AFF2: variants seen among roughly 807,000 people sequenced by gnomAD.
AFF2 encodes ALF transcription elongation factor 2, also known as AF4/FMR2 family member 2.
Under a neutral mutation model 76.9 loss-of-function variants are expected in AFF2, and 14 were observed. The observed-to-expected ratio is 0.18, with a 90% CI of 0.12 to 0.28. AFF2 has a LOEUF of 0.28. Ranked by LOEUF, AFF2 falls within the 10% of genes least tolerant of loss-of-function variation. The probability of loss-of-function intolerance (pLI) is 1.00; values close to 1 mark genes in which losing one functional copy is unlikely to be tolerated. For missense variants in AFF2, 868 were observed against 1,001.1 expected (o/e 0.87, Z 1.79); for synonymous variants, 398 against 366.7 (o/e 1.09, Z -0.98).
intron 9 of AFF2, among the ~76,000 whole-genome samples, chrX:148,946,308 A>G (rs782054886): frequency 3.6e-5 from 4 of 112,453 alleles, no homozygotes; most frequent in South Asian, 7.4e-4. Context: ...TTAGCCATCA[A>G]GGTTCCCTTC....
In AFF2 at chrX:148,873,959, G is replaced by A. The variant is rs2071007239; in HGVS notation, c.1263-11930G>A. Among the ~76,000 whole-genome samples, 4 of 111,496 alleles carry A rather than the reference G, an allele frequency of 3.6e-5. No individual in the cohort carries two copies. The Admixed American group carries it at 3.8e-4, about 11-fold the overall frequency. Reference sequence around the variant, plus strand: ...AAATACTAAGTCTTGGCCAGTATTGGGGTCTGCTATTCTCCACGTATCTAT... The same window carrying A: ...AAATACTAAGTCTTGGCCAGTATTGAGGTCTGCTATTCTCCACGTATCTAT... On this transcript the variant is annotated intron_variant, in intron 7 of 20. Transcript: ENST00000370460.
chrX:148,939,768 C>A lies in AFF2; in HGVS notation c.1398-13812C>A, dbSNP rs559358013. 9.8e-5 allele frequency among the ~76,000 whole-genome samples: 11 copies of A among 112,047 alleles called. No individual in the cohort carries two copies. In the South Asian group the frequency reaches 4.1e-3, roughly 42 times the overall value. ...TGGTATTAGCCATCTTGGATTTTAACCAACAGGTGTACACACTCTCACATA... is the reference window on the plus strand; with the variant it reads ...TGGTATTAGCCATCTTGGATTTTAAACAACAGGTGTACACACTCTCACATA... On this transcript the variant is annotated intron_variant, in intron 9 of 20. Coordinates refer to ENST00000370460, the MANE Select transcript of AFF2 (RefSeq NM_002025.4).
At chrX:148,939,022 C>CA (rs1344371791) in intron 9 of AFF2, among the ~76,000 whole-genome samples, 13 of 110,797 alleles carry the variant, frequency 1.2e-4, no homozygotes, top group African/African-American at 6.6e-5. Context: ...TAAAACTGTA[C>CA]AGCATTATGT....
In AFF2 at chrX:148,752,417, G is replaced by T. The variant is rs184015079; in HGVS notation, c.1042-57459G>T. Among the ~76,000 whole-genome samples the T allele has an allele frequency of 5.4e-5, 6 of 112,017 alleles. No individual in the cohort carries two copies. The Admixed American group carries it at 5.7e-4, about 11-fold the overall frequency. The stretch of plus-strand genomic sequence containing the variant: ...AAGGAAGGAAGACAAGGGAGGAGAA[G>T]TGGGCAATTTAGTCAAACCACTGGG... On this transcript the variant is annotated intron_variant, in intron 3 of 20. Coordinates refer to ENST00000370460, the MANE Select transcript of AFF2 (RefSeq NM_002025.4).
intron 7 of AFF2, among the ~76,000 whole-genome samples, chrX:148,876,712 G>A (rs1557277942): frequency 2.7e-5 from 3 of 111,421 alleles, no homozygotes; most frequent in African/African-American, 9.8e-5. Context: ...ATGTCTGGTG[G>A]TGTAGGGGAG....
intron 3 of AFF2, among the ~76,000 whole-genome samples, chrX:148,696,761 T>C (rs930175866): frequency 8.9e-6 from 1 of 112,076 alleles, no homozygotes; most frequent in Non-Finnish European, 1.9e-5. Context: ...CCAAATACAG[T>C]AGAAACTCCC....
intron 8 of AFF2, among the ~76,000 whole-genome samples, chrX:148,900,923 A>G (rs1462494590): frequency 1.8e-5 from 2 of 111,785 alleles, no homozygotes; most frequent in African/African-American, 3.3e-5. Context: ...TCATACCACA[A>G]TGTGGCCTCT....
At chrX:148,921,254 G>A (rs1557283171) in intron 9 of AFF2, among the ~76,000 whole-genome samples, 1 of 112,102 alleles carries the variant, frequency 8.9e-6, no homozygotes, top group African/African-American at 3.2e-5. Context: ...AATTTTAACA[G>A]CTTTATTGAG....
intron 1 of AFF2, among the ~76,000 whole-genome samples, chrX:148,593,734 C>T (rs1417510022): frequency 1.8e-5 from 2 of 112,321 alleles, no homozygotes; most frequent in African/African-American, 6.5e-5. Context: ...TTTGTACCAG[C>T]TATTGTGCTG....
At chrX:148,919,059 A>C (rs1392056617) in intron 9 of AFF2, among the ~76,000 whole-genome samples, 2 of 112,093 alleles carry the variant, frequency 1.8e-5, no homozygotes, top group Non-Finnish European at 3.8e-5. Context: ...ACATTAATGT[A>C]GAAAGCCAAA....
At chrX:148,670,806 T>C (rs1057460947) in intron 3 of AFF2, among the ~76,000 whole-genome samples, 4 of 112,070 alleles carry the variant, frequency 3.6e-5, no homozygotes, top group Non-Finnish European at 7.5e-5. Context: ...CAAGGATTTT[T>C]CTAAAGTAAT....
chrX:148,521,094 T>G (rs1162779045), intron 1 of AFF2, among the ~76,000 whole-genome samples: 1 of 111,362 alleles, frequency 9.0e-6, no homozygotes, highest in Non-Finnish European at 1.9e-5. Context: ...GAAGCTACCT[T>G]AAGTCTACTT....
intron 1 of AFF2, among the ~76,000 whole-genome samples, chrX:148,560,468 C>A (rs1002332471): frequency 3.6e-5 from 4 of 112,145 alleles, no homozygotes; most frequent in Non-Finnish European, 5.6e-5. Context: ...AGGACATAGA[C>A]ATGGGCAAAG....
At chrX:148,793,095 C>T (rs1259577428) in intron 3 of AFF2, among the ~76,000 whole-genome samples, 5 of 111,835 alleles carry the variant, frequency 4.5e-5, no homozygotes, top group Non-Finnish European at 9.4e-5. Context: ...TTCTCATCTC[C>T]TTGTTTTGAA....
intron 3 of AFF2, among the ~76,000 whole-genome samples, chrX:148,806,207 G>GAGAGAA (rs782319416): frequency 8.9e-6 from 1 of 112,428 alleles, no homozygotes; most frequent in Non-Finnish European, 1.9e-5. Flanking sequence ...GTGTGTGTGA[G>GAGAGAA]AGAGAAAGAG....
intron 3 of AFF2, among the ~76,000 whole-genome samples, chrX:148,725,642 C>G (rs2055147023): frequency 8.9e-6 from 1 of 111,957 alleles, no homozygotes; most frequent in African/African-American, 3.2e-5. Context: ...TTTTCCTGTT[C>G]TCTTACTCAA....
intron 9 of AFF2, among the ~76,000 whole-genome samples, chrX:148,920,540 A>G (rs938740077): frequency 9.0e-6 from 1 of 111,460 alleles, no homozygotes; most frequent in Admixed American, 9.6e-5. Flanking sequence ...AGTATTGTCC[A>G]TGAATGGTGT....
At chrX:148,685,096 A>T (rs1458773166) in intron 3 of AFF2, among the ~76,000 whole-genome samples, 6 of 111,854 alleles carry the variant, frequency 5.4e-5, no homozygotes, top group Non-Finnish European at 1.1e-4. Flanking sequence ...GTAGGCAATT[A>T]AGTGCAAATT....
intron 1 of AFF2, among the ~76,000 whole-genome samples, chrX:148,596,678 G>A (rs2053575188): frequency 8.9e-6 from 1 of 112,154 alleles, no homozygotes; most frequent in Admixed American, 9.4e-5. Flanking sequence ...GTCAGTTAGC[G>A]AGGTTTAATG....
Sources: allele counts gnomAD v4.1 joint callset (sites outside exome capture counted in the v4.1 genomes callset), GRCh38; gene constraint gnomAD v4.1.1; transcripts MANE v1.5; gene names NCBI Gene and HGNC (gene_info 2026-07-23, HGNC 2026-07-21).